Variants in IL6R observed in about 807,000 individuals in gnomAD.
The protein encoded by IL6R is interleukin 6 receptor, also known as interleukin-6 receptor subunit alpha.
Under a neutral mutation model 48.3 loss-of-function variants are expected in IL6R, and 38 were observed. That is an observed-to-expected ratio of 0.79 (90% CI 0.61 to 1.03). IL6R has a LOEUF of 1.03. Ranked by LOEUF, IL6R falls within the 50% of genes least tolerant of loss-of-function variation. IL6R has a pLI of 0.00. For synonymous variants in IL6R, 264 were observed against 256.2 expected (o/e 1.03, Z -0.29); for missense variants, 534 against 618.3 (o/e 0.86, Z 1.45).
chr1:154,424,205 C>T (rs751728434), intron 1 of IL6R, among the ~76,000 whole-genome samples: 5 of 152,154 alleles, frequency 3.3e-5, no homozygotes, highest in African/African-American at 4.8e-5. Context: ...AGACCCTGTC[C>T]CTGTGGGCAC....
intron 3 of IL6R, among the ~76,000 whole-genome samples, chr1:154,432,364 T>G (rs1243204882): frequency 6.6e-6 from 1 of 151,802 alleles, no homozygotes; most frequent in Admixed American, 6.6e-5. Flanking sequence ...ATACTTTTTT[T>G]TTTTTTTTTT....
chr1:154,448,874 G>GCTT (rs1270091248), intron 7 of IL6R, among the ~76,000 whole-genome samples: 8,760 of 75,312 alleles, frequency 0.12, 1,918 homozygotes, highest in South Asian at 0.15. Context: ...GCTTGTAAGG[G>GCTT]CTTTTTTTTT....
Position 154,456,137 on chromosome 1 carries a change from G to A in IL6R, c.1160+1556G>A, listed in dbSNP as rs932237163. ...GTGAAAATGGATGCAGTAGCCCAGG[G>A]TCTGGGCAAGAGATAATAATAAACT... On this transcript the variant is annotated intron_variant, in intron 9 of 9. Transcript: ENST00000368485. Among the ~76,000 whole-genome samples, 41 of 152,062 alleles carry A rather than the reference G, an allele frequency of 2.7e-4. 1 individual carries two copies. The highest frequency in any genetic ancestry group is 9.9e-4 in the African/African-American group (41 of 41,482).
In IL6R at chr1:154,430,484, T is replaced by TC. The variant is rs745748718; in HGVS notation, c.342dup (p.Glu115ArgfsTer19). The TC allele has an allele frequency of 3.1e-6, 5 of 1,612,360 alleles. No individual in the cohort carries two copies. The highest frequency in any genetic ancestry group is 3.4e-5 in the Admixed American group (2 of 59,548). The stretch of plus-strand genomic sequence containing the variant: ...ACACCTGCAATGCTTTCCTTTCAGT[T>TC]CCCCCCGAGGAGCCCCAGCTCTCCT... On this transcript the variant is annotated frameshift_variant and splice_region_variant, in exon 3 of 10. Transcript: ENST00000368485. LOFTEE classifies it high-confidence loss of function.
At chr1:154,445,538 C>T (rs1690172442) in intron 6 of IL6R, among the ~76,000 whole-genome samples, 1 of 152,120 alleles carries the variant, frequency 6.6e-6, no homozygotes, top group Non-Finnish European at 1.5e-5. Flanking sequence ...ATCACCAGGT[C>T]AGGAGATCAA....
chr1:154,420,720 G>C (rs1688613396), intron 1 of IL6R, among the ~76,000 whole-genome samples: 1 of 151,682 alleles, frequency 6.6e-6, no homozygotes, highest in African/African-American at 2.4e-5. Context: ...ATTTTTAATA[G>C]AGACAGGGTT....
intron 6 of IL6R, chr1:154,437,608 C>T (rs1689704826): frequency 3.0e-6 from 1 of 329,218 alleles, no homozygotes; most frequent in Middle Eastern, 9.7e-4. Context: ...GACAGGGTTT[C>T]ACCATGCTGC....
intron 1 of IL6R, among the ~76,000 whole-genome samples, chr1:154,417,884 G>A (rs979549964): frequency 1.3e-5 from 2 of 151,912 alleles, no homozygotes; most frequent in African/African-American, 4.8e-5. Flanking sequence ...ACAGGCACCC[G>A]CCACCATACC....
intron 1 of IL6R, among the ~76,000 whole-genome samples, chr1:154,407,767 C>G (rs571392377): frequency 1.3e-4 from 20 of 152,274 alleles, no homozygotes; most frequent in Non-Finnish European, 2.6e-4. Context: ...CACCCTGGAG[C>G]TGCCAGGACT....
chr1:154,459,362 T>A (rs1691111268), intron 9 of IL6R, among the ~76,000 whole-genome samples: 1 of 152,218 alleles, frequency 6.6e-6, no homozygotes, highest in African/African-American at 2.4e-5. Context: ...TTCTTCTGTA[T>A]AAGGCAAATT....
intron 2 of IL6R, 58 bp downstream of exon 2, chr1:154,429,502 A>C (rs576477390): frequency 1.2e-5 from 19 of 1,550,752 alleles, no homozygotes; most frequent in Non-Finnish European, 1.1e-5. Context: ...GGCTTTGTGC[A>C]TTCCAGACAG....
chr1:154,413,354 C>T (rs1247739934), intron 1 of IL6R, among the ~76,000 whole-genome samples: 1 of 152,248 alleles, frequency 6.6e-6, no homozygotes, highest in Non-Finnish European at 1.5e-5. Context: ...CTTACGGCCC[C>T]TGCTGTGGGG....
intron 6 of IL6R, chr1:154,445,075 C>G (rs1462683427): frequency 6.6e-6 from 3 of 456,052 alleles, no homozygotes; most frequent in Non-Finnish European, 1.3e-5. Context: ...TCCCGGGTGG[C>G]ATTTGGGACC....
chr1:154,465,994 AC>A lies in IL6R; in HGVS notation c.*615del, dbSNP rs1691536663. ...AGCTGAGGGTGAGTGGGTGAATAAT[AC>A]AGTATCTCAGGGCCTGGTCGTTTTC... On this transcript the variant is annotated 3_prime_UTR_variant, in exon 10 of 10. Coordinates refer to ENST00000368485, the MANE Select transcript of IL6R (RefSeq NM_000565.4). 6.5e-6 allele frequency: 1 copy of A among 154,482 alleles called. No homozygotes were observed. Among genetic ancestry groups the A allele is most frequent in the African/African-American group, 2.4e-5 (1 of 41,456 alleles). 9.6% of individuals were successfully genotyped at this position (154,482 alleles called of 1,614,324 possible). A position where few individuals can be genotyped will look rare whatever the true frequency, so the allele number is the denominator to read the frequency against.
chr1:154,448,154 G>T lies in IL6R; in HGVS notation c.979G>T (p.Val327Leu), dbSNP rs1690379748. 6.2e-7 allele frequency: 1 copy of T among 1,613,814 alleles called. No homozygotes were observed. The highest frequency in any genetic ancestry group is 8.5e-7 in the Non-Finnish European group (1 of 1,179,840). The part of the protein sequence containing the change: ...ESRSPPAENE[V>L]STPMQALTTN... ...CAGGAGTCCTCCAGCTGAGAACGAG[G>T]TGTCCACCCCCATGCAGGTGAGCTC... The change falls in exon 7 of 10, where the codon GTG becomes TTG. Residue 327 changes from valine to leucine, a missense_variant. By Grantham distance (32) the Val-to-Leu change is conservative (BLOSUM62 1). Coordinates refer to ENST00000368485, the MANE Select transcript of IL6R (RefSeq NM_000565.4).
intron 1 of IL6R, chr1:154,415,213 C>T: frequency 3.0e-6 from 2 of 657,476 alleles, no homozygotes; most frequent in South Asian, 3.2e-5. Context: ...CTGTTCACCT[C>T]CACCCCCATT....
At chr1:154,430,767 G>GC (rs1260921063) in intron 3 of IL6R, among the ~76,000 whole-genome samples, 161 bp downstream of exon 3, 5 of 152,260 alleles carry the variant, frequency 3.3e-5, no homozygotes, top group South Asian at 2.1e-4. Flanking sequence ...ACATTTGACT[G>GC]CCCCCCCTGA....
At chr1:154,422,905 G>GT (rs1454659601) in intron 1 of IL6R, among the ~76,000 whole-genome samples, 2 of 152,062 alleles carry the variant, frequency 1.3e-5, no homozygotes, top group Non-Finnish European at 2.9e-5. Context: ...CTTCTCTTTG[G>GT]TAGGGCCTAC....
chr1:154,415,240 T>C (rs1226215927), intron 1 of IL6R: 6 of 615,080 alleles, frequency 9.8e-6, no homozygotes, highest in Admixed American at 2.8e-5. Flanking sequence ...TTTTAAAAGA[T>C]TCTCCTTTTC....
Sources: gnomAD v4.1 joint callset for allele counts (sites outside exome capture counted in the v4.1 genomes callset) on GRCh38, gnomAD v4.1.1 for gene constraint, MANE v1.5 for transcripts, NCBI Gene and HGNC (gene_info 2026-07-23, HGNC 2026-07-21) for gene names.